The following OR1B1 variants were observed in gnomAD, a reference collection of about 807,000 sequenced individuals.
The protein encoded by OR1B1 is olfactory receptor 1B1.
For missense variants in OR1B1, 414 were observed against 402.1 expected (o/e 1.03, Z -0.25); for synonymous variants, 168 against 156.2 (o/e 1.08, Z -0.57).
Position 122,628,706 on chromosome 9 carries a change from T to G in OR1B1, c.830A>C (p.Asp277Ala), listed in dbSNP as rs776851080. The G allele has an allele frequency of 1.2e-6, 2 of 1,613,876 alleles. No homozygotes were observed. The highest frequency in any genetic ancestry group is 1.7e-6 in the Non-Finnish European group (2 of 1,179,782). Residue 277 changes from aspartate to alanine, a missense_variant, in exon 1 of 1, where the codon GAC becomes GCC. By Grantham distance (126) the Asp-to-Ala change is moderately radical (BLOSUM62 -2). Transcript: ENST00000623530. ...AGTATACATTACTGAAGCCACCATG[T>G]CCTGATACTGAGAGTTCTGGAAGGG...
chr9:122,646,051 G>A, the OR1B1 span, among the ~76,000 whole-genome samples: 2 of 152,048 alleles, frequency 1.3e-5, no homozygotes, highest in Admixed American at 1.3e-4. Flanking sequence ...GAGGGGAAAA[G>A]TTAAAGTGTA....
the OR1B1 span, among the ~76,000 whole-genome samples, chr9:122,636,385 C>T: frequency 6.3e-4 from 96 of 152,290 alleles, no homozygotes; most frequent in African/African-American, 2.2e-3. Flanking sequence ...GAGGCCAAGG[C>T]GGGTGGATCA....
At position 122,628,945 on chromosome 9, in the gene OR1B1, G is replaced by A. The variant is rs745898685; in HGVS notation, c.591C>T (p.Asp197=). Reference sequence around the variant, plus strand: ...ATATGGCCAGCTCATTAGAATGTATGTCAGAACAAGAGGCTCGCAGAAGTG... The same window carrying A: ...ATATGGCCAGCTCATTAGAATGTATATCAGAACAAGAGGCTCGCAGAAGTG... The change falls in exon 1 of 1, where the codon GAC becomes GAT. Residue 197 remains aspartate, a synonymous_variant. Transcript: ENST00000623530. 6 of 1,614,136 alleles carry A rather than the reference G, an allele frequency of 3.7e-6. No individual in the cohort carries two copies. In the Admixed American group the frequency reaches 1.0e-4, roughly 27 times the overall value.
the OR1B1 span, among the ~76,000 whole-genome samples, chr9:122,653,862 A>T: frequency 6.6e-6 from 1 of 152,328 alleles, no homozygotes; most frequent in African/African-American, 2.4e-5. Context: ...AAGATTCTGG[A>T]CTAGACAATT....
the OR1B1 span, among the ~76,000 whole-genome samples, chr9:122,648,743 A>G: frequency 6.6e-6 from 1 of 152,240 alleles, no homozygotes; most frequent in African/African-American, 2.4e-5. Flanking sequence ...GCTCAAGGAA[A>G]TAAGAGAGGA....
At chr9:122,644,518 T>C in the OR1B1 span, among the ~76,000 whole-genome samples, 1 of 152,212 alleles carries the variant, frequency 6.6e-6, no homozygotes, top group Non-Finnish European at 1.5e-5. Flanking sequence ...TAGACATGCA[T>C]GGGCCTGGGT....
upstream of OR1B1, among the ~76,000 whole-genome samples, chr9:122,631,429 G>A (rs947809656): frequency 2.6e-5 from 4 of 152,098 alleles, no homozygotes; most frequent in Non-Finnish European, 5.9e-5. Context: ...CGCCCACCTC[G>A]GCCTCCCAAA....
chr9:122,655,546 G>A, the OR1B1 span, among the ~76,000 whole-genome samples: 1 of 152,140 alleles, frequency 6.6e-6, no homozygotes, highest in Non-Finnish European at 1.5e-5. Context: ...GTAGGGACAT[G>A]GATGGAGCTG....
upstream of OR1B1, among the ~76,000 whole-genome samples, chr9:122,632,084 C>T (rs910111327): frequency 6.6e-6 from 1 of 152,078 alleles, no homozygotes; most frequent in Non-Finnish European, 1.5e-5. Flanking sequence ...ACAGGAATCC[C>T]ACAAACAGAA....
chr9:122,644,596 A>G, the OR1B1 span, among the ~76,000 whole-genome samples: 1 of 152,216 alleles, frequency 6.6e-6, no homozygotes, highest in Non-Finnish European at 1.5e-5. Flanking sequence ...TGGTGTTGGC[A>G]TCACCACATC....
chr9:122,655,998 G>A, the OR1B1 span, among the ~76,000 whole-genome samples: 1 of 151,996 alleles, frequency 6.6e-6, no homozygotes, highest in African/African-American at 2.4e-5. Flanking sequence ...ATATTACATG[G>A]GGAAATATCA....
At chr9:122,643,432 A>C in the OR1B1 span, among the ~76,000 whole-genome samples, 1 of 152,198 alleles carries the variant, frequency 6.6e-6, no homozygotes, top group African/African-American at 2.4e-5. Context: ...CACTCGCTGG[A>C]GGGGAATCAC....
chr9:122,645,495 A>G, the OR1B1 span, among the ~76,000 whole-genome samples: 1 of 152,172 alleles, frequency 6.6e-6, no homozygotes, highest in African/African-American at 2.4e-5. Context: ...TTAATAATCA[A>G]ACTTCCAAAG....
the OR1B1 span, among the ~76,000 whole-genome samples, chr9:122,656,780 A>G: frequency 6.6e-6 from 1 of 152,156 alleles, no homozygotes. Flanking sequence ...CTATTCCTAA[A>G]CCCAAACAGT....
the OR1B1 span, among the ~76,000 whole-genome samples, chr9:122,647,602 A>G: frequency 6.6e-6 from 1 of 152,218 alleles, no homozygotes; most frequent in East Asian, 1.9e-4. Context: ...ACAAAAGATC[A>G]ATGAAACAAA....
At chr9:122,649,503 T>C in the OR1B1 span, among the ~76,000 whole-genome samples, 19 of 152,188 alleles carry the variant, frequency 1.2e-4, no homozygotes, top group Non-Finnish European at 2.9e-5. Flanking sequence ...AATCTATCCA[T>C]CTGACAAAGG....
chr9:122,637,588 C>T, the OR1B1 span, among the ~76,000 whole-genome samples: 133 of 152,310 alleles, frequency 8.7e-4, no homozygotes, highest in African/African-American at 3.1e-3. Context: ...TAAATGCAGT[C>T]TTCTCTTTCT....
the OR1B1 span, among the ~76,000 whole-genome samples, chr9:122,644,871 A>G: frequency 6.6e-6 from 1 of 152,128 alleles, no homozygotes; most frequent in South Asian, 2.1e-4. Flanking sequence ...TGATTCTTCA[A>G]TGCCCAGACA....
chr9:122,639,840 T>C, the OR1B1 span, among the ~76,000 whole-genome samples: 1 of 151,722 alleles, frequency 6.6e-6, no homozygotes, highest in Non-Finnish European at 1.5e-5. Flanking sequence ...CCATTTTTGC[T>C]TCCAAGGTTA....
Sources: allele counts gnomAD v4.1 joint callset (sites outside exome capture counted in the v4.1 genomes callset), GRCh38; gene constraint gnomAD v4.1.1; transcripts MANE v1.5; gene names NCBI Gene and HGNC (gene_info 2026-07-23, HGNC 2026-07-21).